Variants in SELENOT observed in about 807,000 individuals in gnomAD.
The protein encoded by SELENOT is thioredoxin reductase-like selenoprotein T.
SELENOT carries 9 observed loss-of-function variants against 24.3 expected under a neutral mutation model. The ratio of observed to expected loss-of-function variants is 0.37; its 90% CI spans 0.22 to 0.65. The LOEUF (loss-of-function observed/expected upper bound fraction) is 0.65, where lower values mean the gene tolerates loss of function less well. Ranked by LOEUF, SELENOT falls within the 30% of genes least tolerant of loss-of-function variation. SELENOT has a pLI of 0.60. For synonymous variants in SELENOT, 81 were observed against 86.0 expected, an observed-to-expected ratio of 0.94 and a Z score of 0.32; for missense variants, 166 against 247.6, an observed-to-expected ratio of 0.67 and a Z score of 2.21.
rs1042063131 is a variant in SELENOT, at chr3:150,628,104, T to C, written c.*475T>C. 1 of 152,248 alleles carries C rather than the reference T, an allele frequency of 6.6e-6. No homozygotes were observed. Among genetic ancestry groups the C allele is most frequent in the African/African-American group, 2.4e-5 (1 of 41,454 alleles). The allele number at this position is 152,248 out of a possible 1,614,324, so 9.4% of individuals were successfully genotyped here. A position where few individuals can be genotyped will look rare whatever the true frequency, so the allele number is the denominator to read the frequency against. ...AAGTTCCCAAATACTTTATAAGAGT[T>C]TATCAGACATCTCTAATTTGGCCAT... On this transcript the variant is annotated 3_prime_UTR_variant, in exon 6 of 6. Coordinates refer to ENST00000471696, the MANE Select transcript of SELENOT (RefSeq NM_016275.5).
chr3:150,622,144 C>T (rs963988443), intron 1 of SELENOT, among the ~76,000 whole-genome samples: 5 of 151,148 alleles, frequency 3.3e-5, no homozygotes, highest in Non-Finnish European at 5.9e-5. Context: ...AAAATCAGGC[C>T]GCATTACTGG....
At chr3:150,614,323 TG>T (rs1254338903) in intron 1 of SELENOT, among the ~76,000 whole-genome samples, 4 of 152,036 alleles carry the variant, frequency 2.6e-5, no homozygotes, top group Non-Finnish European at 5.9e-5. Flanking sequence ...CAGATTAGCT[TG>T]TCAGATTTAA....
Position 150,622,935 on chromosome 3 carries a change from CTT to C in SELENOT, c.249-105_249-104del, listed in dbSNP as rs1358007182. 3 of 1,003,158 alleles carry C rather than the reference CTT, an allele frequency of 3.0e-6. No individual in the cohort carries two copies. The African/African-American group carries it at 5.0e-5, about 17-fold the overall frequency. The allele number at this position is 1,003,158 out of a possible 1,614,324, so 62.1% of individuals were successfully genotyped here. A position where few individuals can be genotyped will look rare whatever the true frequency, so the allele number is the denominator to read the frequency against. On this transcript the variant is annotated intron_variant, in intron 2 of 5. Coordinates refer to ENST00000471696, the MANE Select transcript of SELENOT (RefSeq NM_016275.5). ...CTTTAATTGCTTTTTCTATAAGTAA[CTT>C]TTAGATTTGGTGTCTAGAAAATCTT...
rs1354280720 is a variant in SELENOT at position 150,628,226 on chromosome 3, G to T, written c.*597G>T. The T allele has an allele frequency of 1.3e-5, 2 of 152,556 alleles. No homozygotes were observed. The highest frequency in any genetic ancestry group is 4.8e-5 in the African/African-American group (2 of 41,428). 9.5% of individuals were successfully genotyped at this position (152,556 alleles called of 1,614,324 possible). On this transcript the variant is annotated 3_prime_UTR_variant, in exon 6 of 6. Transcript: ENST00000471696. ...TATAAATTTTTGTGTATGTGTGTAT[G>T]TGCGTGTGATTACCAGAGAACTACT...
At chr3:150,621,259 G>A (rs929121281) in intron 1 of SELENOT, among the ~76,000 whole-genome samples, 2 of 151,952 alleles carry the variant, frequency 1.3e-5, no homozygotes, top group African/African-American at 2.4e-5. Flanking sequence ...CTCACTTACC[G>A]TTCCCTCACA....
At chr3:150,623,194 A>G in intron 3 of SELENOT, 25 bp downstream of exon 3, 5 of 1,553,640 alleles carry the variant, frequency 3.2e-6, no homozygotes, top group Non-Finnish European at 4.3e-6. Context: ...AGCTTTGGTA[A>G]CTGTAGGTTT....
chr3:150,622,273 G>A (rs774193298), intron 1 of SELENOT, 112 bp from the exon 2 acceptor site: 43 of 439,510 alleles, frequency 9.8e-5, no homozygotes, highest in Non-Finnish European at 1.7e-4. Context: ...ATGAATTTGT[G>A]ACTGATTTTG....
At position 150,622,470 on chromosome 3, in the gene SELENOT, A is replaced by G; in HGVS notation, c.223A>G (p.Asn75Asp). Residue 75 changes from asparagine to aspartate, a missense_variant, in exon 2 of 6, where the codon AAT becomes GAT. Around this residue, in one of 5 missense-constraint regions of SELENOT, gnomAD observed 71 missense variants for 89.2 expected, o/e 0.80. Coordinates refer to ENST00000471696, the MANE Select transcript of SELENOT (RefSeq NM_016275.5). ...RYPDIRIEGENYLPQPIYRHI... is the reference protein window; with the variant it reads ...RYPDIRIEGEDYLPQPIYRHI... ...CCCAGACATCCGCATTGAAGGAGAG[A>G]ATTACCTCCCTCAACCAATATATAG... 1.3e-6 allele frequency: 2 copies of G among 1,499,062 alleles called. No individual in the cohort carries two copies. The highest frequency in any genetic ancestry group is 9.0e-7 in the Non-Finnish European group (1 of 1,113,826). The allele number at this position is 1,499,062 out of a possible 1,614,324, so 92.9% of individuals were successfully genotyped here.
intron 1 of SELENOT, among the ~76,000 whole-genome samples, chr3:150,612,949 C>A (rs1161071833): frequency 6.6e-6 from 1 of 152,192 alleles, no homozygotes; most frequent in African/African-American, 2.4e-5. Flanking sequence ...TCCCCACACA[C>A]AAACTCCAGC....
rs1271303285 is a variant in SELENOT at position 150,628,468 on chromosome 3, TTTC to T, written c.*842_*844del. The T allele has an allele frequency of 6.6e-6, 1 of 152,576 alleles. No individual in the cohort carries two copies. Among genetic ancestry groups the T allele is most frequent in the Non-Finnish European group, 1.5e-5 (1 of 68,018 alleles). 9.5% of individuals were successfully genotyped at this position (152,576 alleles called of 1,614,324 possible). A position where few individuals can be genotyped will look rare whatever the true frequency, so the allele number is the denominator to read the frequency against. On this transcript the variant is annotated 3_prime_UTR_variant, in exon 6 of 6. Transcript: ENST00000471696. ...ATTTTTGTTTTTGATTTATGGATAA[TTTC>T]TTAAGAGTACACACTTTAGATACAC...
intron 1 of SELENOT, among the ~76,000 whole-genome samples, chr3:150,605,033 G>C (rs1433913385): frequency 1.2e-5 from 1 of 84,792 alleles, no homozygotes; most frequent in Non-Finnish European, 2.6e-5. Flanking sequence ...GCGAAACTCC[G>C]TCTCAAAAAA....
intron 1 of SELENOT, among the ~76,000 whole-genome samples, chr3:150,612,317 T>G (rs1726114184): frequency 6.6e-6 from 1 of 152,128 alleles, no homozygotes; most frequent in Admixed American, 6.5e-5. Context: ...GGTCTCAAAC[T>G]CCTGACCCTA....
chr3:150,624,737 A>G (rs531431115), intron 3 of SELENOT, 75 bp from the exon 4 acceptor site: 1 of 876,168 alleles, frequency 1.1e-6, no homozygotes. Context: ...TTTTATGGGA[A>G]CTTTTAAAGT....
intron 1 of SELENOT, among the ~76,000 whole-genome samples, chr3:150,620,946 A>G: frequency 6.6e-6 from 1 of 152,330 alleles, no homozygotes; most frequent in Admixed American, 6.5e-5. Context: ...TTAATATGTG[A>G]TGAATCTAGA....
chr3:150,615,484 A>G (rs1163690459), intron 1 of SELENOT, among the ~76,000 whole-genome samples: 2 of 152,152 alleles, frequency 1.3e-5, no homozygotes, highest in Non-Finnish European at 2.9e-5. Context: ...TCCCACCAAC[A>G]GTGTAAAAGT....
At chr3:150,612,180 G>A (rs1726111603) in intron 1 of SELENOT, among the ~76,000 whole-genome samples, 1 of 151,590 alleles carries the variant, frequency 6.6e-6, no homozygotes, top group Non-Finnish European at 1.5e-5. Context: ...CGTAACCTCC[G>A]CCTCCCGGCT....
At chr3:150,619,399 G>T (rs1257797405) in intron 1 of SELENOT, among the ~76,000 whole-genome samples, 1 of 151,842 alleles carries the variant, frequency 6.6e-6, no homozygotes, top group African/African-American at 2.4e-5. Flanking sequence ...AGCTGGGCAC[G>T]GCGGCGGGCG....
At chr3:150,606,290 G>A (rs547597267) in intron 1 of SELENOT, among the ~76,000 whole-genome samples, 1 of 151,796 alleles carries the variant, frequency 6.6e-6, no homozygotes, top group East Asian at 1.9e-4. Flanking sequence ...CTGCAGACGC[G>A]CACCACCACG....
chr3:150,603,662 C>T, intron 1 of SELENOT, 163 bp downstream of exon 1: 2 of 777,030 alleles, frequency 2.6e-6, no homozygotes, highest in East Asian at 2.9e-5. Flanking sequence ...CCCCTTAGCG[C>T]GGTCAGGCCG....
Sources: allele counts gnomAD v4.1 joint callset (sites outside exome capture counted in the v4.1 genomes callset), GRCh38; gene constraint gnomAD v4.1.1; regional missense constraint gnomAD v4.1.1; transcripts MANE v1.5; gene names NCBI Gene and HGNC (gene_info 2026-07-23, HGNC 2026-07-21).